The following DUOX2 variants were observed in gnomAD, a reference collection of about 807,000 sequenced individuals.
DUOX2 encodes the protein dual oxidase 2, also known as NADH/NADPH thyroid oxidase p138-tox.
In DUOX2, 185 loss-of-function variants were observed where a neutral mutation model predicts 183.3. The ratio of observed to expected loss-of-function variants is 1.01; its 90% CI spans 0.90 to 1.14. DUOX2 has a LOEUF of 1.14. Among genes scored for constraint, DUOX2 ranks in the 50% most tolerant of loss-of-function variants. DUOX2 has a pLI of 0.00. For missense variants in DUOX2, 1,999 were observed against 2,022.9 expected (o/e 0.99, Z 0.23); for synonymous variants, 788 against 812.4 (o/e 0.97, Z 0.51).
Position 45,096,072 on chromosome 15 carries a change from A to G in DUOX2, c.3848-12T>C. ...CAGGTAGGTCACTCCTGGAGGTCAT[A>G]GACAGGGAAAAGCACAGATGAGAAG... On this transcript the variant is annotated splice_polypyrimidine_tract_variant and intron_variant, in intron 29 of 33. Transcript: ENST00000389039. The G allele has an allele frequency of 6.2e-7, 1 of 1,610,988 alleles. No homozygotes were observed. Among genetic ancestry groups the G allele is most frequent in the Middle Eastern group, 1.7e-4 (1 of 6,050 alleles).
At chr15:45,113,316 C>A (rs1342367921) in intron 2 of DUOX2, 26 bp downstream of exon 2, 1 of 1,553,510 alleles carries the variant, frequency 6.4e-7, no homozygotes, top group Admixed American at 1.9e-5. Context: ...GGGAACACCC[C>A]GCCGCTAGAG....
In DUOX2 at chr15:45,111,892, T is replaced by C. The variant is rs371832939; in HGVS notation, c.389A>G (p.Asn130Ser). ...ETPGCPAEFL[N>S]IRIPPGDPVF... ...GGGGTCTCCAGGTGGGATGCGGATG[T>C]TGAGGAACTCGGCGGGGCAACCGGG... The change falls in exon 5 of 34, where the codon AAC (asparagine) becomes AGC (serine). Residue 130 changes from asparagine to serine, a missense_variant. Coordinates refer to ENST00000389039, the MANE Select transcript of DUOX2 (RefSeq NM_001363711.2). 1 of 1,613,880 alleles carries C rather than the reference T, an allele frequency of 6.2e-7. No individual in the cohort carries two copies. The highest frequency in any genetic ancestry group is 1.3e-5 in the African/African-American group (1 of 75,066).
intron 18 of DUOX2, 115 bp from the exon 19 acceptor site, chr15:45,104,480 G>T (rs1894163908): frequency 2.2e-6 from 3 of 1,387,188 alleles, no homozygotes; most frequent in South Asian, 2.6e-5. Context: ...GCTAAACTCT[G>T]ATGGTTCTCC....
intron 14 of DUOX2, 147 bp downstream of exon 14, chr15:45,107,198 G>T: frequency 8.1e-7 from 1 of 1,230,190 alleles, no homozygotes; most frequent in Non-Finnish European, 1.2e-6. Flanking sequence ...TGAGGTCCCT[G>T]CTGTGGGAGC....
In DUOX2 at chr15:45,106,838, G is replaced by C; in HGVS notation, c.1825C>G (p.Pro609Ala). 6.3e-7 allele frequency: 1 copy of C among 1,595,322 alleles called. No homozygotes were observed. Among genetic ancestry groups the C allele is most frequent in the Non-Finnish European group, 8.5e-7 (1 of 1,171,756 alleles). ...AITIIALCCL[P>A]LVSLLLSGVV... ...AGGCTGCCTAAGAGCTCACCTAAGG[G>C]AAGGCAGCAGAGAGCAATGATGGTG... Residue 609 changes from proline to alanine, a missense_variant, in exon 15 of 34, where the codon CCC (proline) becomes GCC (alanine). Transcript: ENST00000389039.
Position 45,105,722 on chromosome 15 carries a change from T to A in DUOX2, c.2255A>T (p.Lys752Met), listed in dbSNP as rs773899211. 6.2e-7 allele frequency: 1 copy of A among 1,614,252 alleles called. No homozygotes were observed. The highest frequency in any genetic ancestry group is 8.5e-7 in the Non-Finnish European group (1 of 1,180,038). ...TGTCACAGCCTTCCTAAATAGCTCC[T>A]TCTCGCTCATCTCAGCCACATGGAG... Reference protein sequence around the residue: ...LGLHVAEMSEKELFRKAVTKQ... With the variant: ...LGLHVAEMSEMELFRKAVTKQ... Residue 752 changes from lysine (K) to methionine (M), a missense_variant, in exon 18 of 34, where the codon AAG becomes ATG. Lys to Met is a moderately conservative substitution (Grantham distance 95). Coordinates refer to ENST00000389039, the MANE Select transcript of DUOX2 (RefSeq NM_001363711.2).
At chr15:45,100,668 A>G in intron 23 of DUOX2, 87 bp downstream of exon 23, 1 of 1,102,702 alleles carries the variant, frequency 9.1e-7, no homozygotes. Context: ...ATGGTCGCTT[A>G]TATGTCAAGG....
rs774714033 is a variant in DUOX2 at position 45,094,641 on chromosome 15, C to G, written c.4446G>C (p.Thr1482=). Residue 1482 remains threonine (T), a synonymous_variant, in exon 33 of 34, where the codon ACG becomes ACC. Coordinates refer to ENST00000389039, the MANE Select transcript of DUOX2 (RefSeq NM_001363711.2). ...CAAAGTGGGTGATGGAGCGCAGGCC[C>G]GTGAACAGACTCCGGTTCAGCACTT... ...FQKVLNRSLF[T]GLRSITHFGR... is the part of the protein sequence containing the mutation. 3.1e-6 allele frequency: 5 copies of G among 1,613,940 alleles called. No individual in the cohort carries two copies. Among genetic ancestry groups the G allele is most frequent in the African/African-American group, 2.7e-5 (2 of 74,900 alleles).
chr15:45,099,500 T>C lies in DUOX2; in HGVS notation c.3416-18A>G, dbSNP rs1377669350. 2 of 1,611,756 alleles carry C rather than the reference T, an allele frequency of 1.2e-6. No homozygotes were observed. The highest frequency in any genetic ancestry group is 1.3e-5 in the African/African-American group (1 of 74,982). ...GTGCAAAACTGGAAGAGACAGACCC[T>C]GTTAGAGATGCCAACCAGGACAGAC... On this transcript the variant is annotated intron_variant, in intron 25 of 33. Coordinates refer to ENST00000389039, the MANE Select transcript of DUOX2 (RefSeq NM_001363711.2).
At position 45,094,580 on chromosome 15, in the gene DUOX2, G is replaced by T. The variant is rs1328276353; in HGVS notation, c.4507C>A (p.Gln1503Lys). The change falls in exon 33 of 34, where the codon CAG (glutamine) becomes AAG (lysine). Residue 1503 changes from glutamine to lysine, a missense_variant. Physicochemically the swap from Gln to Lys is moderately conservative, Grantham distance 53 (BLOSUM62 1). This residue lies in a region of DUOX2 where 1,628 missense variants were observed against 1,608.6 expected (regional missense o/e 1.01). Transcript: ENST00000389039. Reference protein sequence around the residue: ...PPFEPFFNSLQEVHPQVRKIG... With the variant: ...PPFEPFFNSLKEVHPQVRKIG... ...GGACTGACCTGTGGGTGGACCTCCT[G>T]CAGGGAGTTGAAGAAGGGCTCGAAG... 1.2e-6 allele frequency: 2 copies of T among 1,613,876 alleles called. No homozygotes were observed. The highest frequency in any genetic ancestry group is 1.3e-5 in the African/African-American group (1 of 75,026).
rs1422421937 is a variant in DUOX2 at position 45,108,958 on chromosome 15, G to C, written c.1235-6C>G. On this transcript the variant is annotated splice_polypyrimidine_tract_variant and splice_region_variant and intron_variant, in intron 11 of 33. Coordinates refer to ENST00000389039, the MANE Select transcript of DUOX2 (RefSeq NM_001363711.2). The stretch of plus-strand genomic sequence containing the variant: ...GCCAGGGCCAGGCCAGTAATCTGAA[G>C]AGGAGAGAAGACTAGACTATGGGCT... 1 of 1,614,060 alleles carries C rather than the reference G, an allele frequency of 6.2e-7. No homozygotes were observed. Among genetic ancestry groups the C allele is most frequent in the Non-Finnish European group, 8.5e-7 (1 of 1,180,058 alleles).
At chr15:45,111,743 C>A (rs972677231) in intron 5 of DUOX2, 25 bp downstream of exon 5, 3 of 1,538,298 alleles carry the variant, frequency 2.0e-6, no homozygotes, top group African/African-American at 2.8e-5. Flanking sequence ...GGTGCGGTCC[C>A]TTCCCGCCGC....
intron 4 of DUOX2, among the ~76,000 whole-genome samples, chr15:45,112,281 C>G (rs1245089158): frequency 6.6e-6 from 1 of 152,124 alleles, no homozygotes; most frequent in Non-Finnish European, 1.5e-5. Context: ...AGAGCGGTGG[C>G]TGGGGAGCTC....
intron 15 of DUOX2, 77 bp downstream of exon 15, chr15:45,106,746 TCAAACGGTA>T: frequency 6.2e-7 from 1 of 1,606,958 alleles, no homozygotes; most frequent in South Asian, 1.1e-5. Flanking sequence ...GAGCCTGGTC[TCAAACGGTA>T]CCAAATAGCC....
Position 45,095,067 on chromosome 15 carries a change from T to A in DUOX2, c.4264A>T (p.Thr1422Ser). The A allele has an allele frequency of 6.2e-7, 1 of 1,614,006 alleles. No homozygotes were observed. The highest frequency in any genetic ancestry group is 8.5e-7 in the Non-Finnish European group (1 of 1,180,000). Residue 1422 changes from threonine to serine, a missense_variant, in exon 32 of 34, where the codon ACC becomes TCC. By Grantham distance (58) the Thr-to-Ser change is moderately conservative (BLOSUM62 1). Coordinates refer to ENST00000389039, the MANE Select transcript of DUOX2 (RefSeq NM_001363711.2). ...GCCAGCCACTCAAACTGACGCTGGG[T>A]CCGTGTCACCCAGATGAAGTAGATC... ...KKIYFIWVTR[T>S]QRQFEWLADI... is the part of the protein sequence containing the mutation.
Position 45,108,182 on chromosome 15 carries a change from G to T in DUOX2, c.1439C>A (p.Ser480Tyr). ...CCCCCCAAGGAGCAGCTCTAGCTGG[G>T]ATAGGTCCTGGTTGTACAGGGCAGC... is the stretch of plus-strand genomic sequence containing the variant. Reference protein sequence around the residue: ...ATAALYNQDLSQLELLLGGLL... With the variant: ...ATAALYNQDLYQLELLLGGLL... Residue 480 changes from serine (S) to tyrosine (Y), a missense_variant, in exon 13 of 34, where the codon TCC becomes TAC. Around this residue, in one of 3 missense-constraint regions of DUOX2, gnomAD observed 1,628 missense variants for 1,608.6 expected, o/e 1.01. Coordinates refer to ENST00000389039, the MANE Select transcript of DUOX2 (RefSeq NM_001363711.2). The T allele has an allele frequency of 6.2e-7, 1 of 1,614,210 alleles. No homozygotes were observed. Among genetic ancestry groups the T allele is most frequent in the Admixed American group, 1.7e-5 (1 of 60,032 alleles).
intron 13 of DUOX2, among the ~76,000 whole-genome samples, 197 bp downstream of exon 13, chr15:45,107,850 C>CAAA (rs36025213): frequency 3.3e-3 from 161 of 48,544 alleles, no homozygotes; most frequent in African/African-American, 8.9e-3. Flanking sequence ...GACTCTGCCT[C>CAAA]AAAAAAAAAA....
chr15:45,094,874 C>T (rs920039641), intron 32 of DUOX2, 62 bp downstream of exon 32: 12 of 1,607,688 alleles, frequency 7.5e-6, no homozygotes, highest in Non-Finnish European at 1.0e-5. Flanking sequence ...CCTGGCCATC[C>T]TGCCTTACGC....
At chr15:45,096,745 A>T (rs2141140981) in intron 29 of DUOX2, among the ~76,000 whole-genome samples, 1 of 151,660 alleles carries the variant, frequency 6.6e-6, no homozygotes, top group East Asian at 1.9e-4. Context: ...TTTTTTTACA[A>T]CATGAGTCCT....
Sources: gnomAD v4.1 joint callset for allele counts (sites outside exome capture counted in the v4.1 genomes callset) on GRCh38, gnomAD v4.1.1 for gene constraint, gnomAD v4.1.1 regional missense constraint, MANE v1.5 for transcripts, NCBI Gene and HGNC (gene_info 2026-07-23, HGNC 2026-07-21) for gene names.